The following GSTA5 variants were observed in gnomAD, a reference collection of about 807,000 sequenced individuals.
GSTA5 encodes glutathione S-transferase alpha 5.
In GSTA5, 25 loss-of-function variants were observed where a neutral mutation model predicts 21.8. The ratio of observed to expected loss-of-function variants is 1.14; its 90% confidence interval spans 0.83 to 1.60. The LOEUF is 1.60. GSTA5 is among the 40% of genes most tolerant of loss of function. The pLI, the probability that GSTA5 is intolerant of heterozygous loss-of-function variation, is 0.00. For missense variants in GSTA5, 330 were observed against 259.2 expected, an observed-to-expected ratio of 1.27 and a Z score of -1.88; for synonymous variants, 102 against 89.5, an observed-to-expected ratio of 1.14 and a Z score of -0.78.
chr6:52,842,802 G>A (rs1271221187), upstream of GSTA5, among the ~76,000 whole-genome samples: 1 of 152,162 alleles, frequency 6.6e-6, no homozygotes, highest in Non-Finnish European at 1.5e-5. Context: ...TGCAAAACAT[G>A]CAGGTTTGTT....
At chr6:52,840,669 A>T in intron 1 of GSTA5, 58 bp downstream of exon 1, 1 of 1,454,946 alleles carries the variant, frequency 6.9e-7, no homozygotes, top group Non-Finnish European at 9.6e-7. Context: ...TTCTGTGGGA[A>T]AAGTATGTGA....
chr6:52,841,389 T>C (rs559129851), upstream of GSTA5, among the ~76,000 whole-genome samples: 341 of 152,328 alleles, frequency 2.2e-3, 2 homozygotes, highest in Middle Eastern at 0.024. Flanking sequence ...ATGAACTGGT[T>C]GTGAAACCAG....
At chr6:52,831,822 T>C (rs771824351) in exon 6 of GSTA5, 6 of 1,613,500 alleles carry the variant, frequency 3.7e-6, no homozygotes, top group Non-Finnish European at 3.4e-6. Context: ...TGGTCTGGCA[T>C]GTTCTTGGCC....
Position 52,837,620 on chromosome 6 carries a change from A to C in GSTA5, c.88-11T>G. ...AAATTTCTCTTCCAACTGGAAGCAG[A>C]AACAGTAAATGGGTTCTTCTTAGTT... is the stretch of plus-strand genomic sequence containing the variant. On this transcript the variant is annotated splice_polypyrimidine_tract_variant and intron_variant, in intron 1 of 5. Transcript: ENST00000370989. 6.9e-6 allele frequency: 11 copies of C among 1,598,700 alleles called. No homozygotes were observed. The highest frequency in any genetic ancestry group is 8.6e-6 in the Non-Finnish European group (10 of 1,166,574).
intron 3 of GSTA5, among the ~76,000 whole-genome samples, chr6:52,834,695 C>A (rs1242997795): frequency 6.6e-6 from 1 of 152,126 alleles, no homozygotes; most frequent in African/African-American, 2.4e-5. Flanking sequence ...CAAAGAGCTG[C>A]CCTCTAAGTA....
rs1198129246 is a variant in GSTA5, at chr6:52,834,136, C to A, written c.414+5G>T. ...TTCCCCTAAACATTGAACAGCTTCA[C>A]TTACTTTTTCAAAGGCAGGGAAGTA... On this transcript the variant is annotated splice_donor_5th_base_variant and intron_variant, in intron 4 of 5. Transcript: ENST00000370989. The A allele has an allele frequency of 6.2e-7, 1 of 1,614,136 alleles. No homozygotes were observed. Among genetic ancestry groups the A allele is most frequent in the Non-Finnish European group, 8.5e-7 (1 of 1,180,004 alleles).
chr6:52,844,776 G>C (rs7749576), upstream of GSTA5, among the ~76,000 whole-genome samples: 24,876 of 152,128 alleles, frequency 0.16, 4,097 homozygotes, highest in African/African-American at 0.42. Flanking sequence ...ACTCAGCAAT[G>C]GGTGTTTGCT....
intron 1 of GSTA5, among the ~76,000 whole-genome samples, chr6:52,839,912 G>A (rs1313724824): frequency 1.3e-5 from 2 of 152,222 alleles, no homozygotes; most frequent in African/African-American, 4.8e-5. Context: ...CATCCTCATA[G>A]ACATGTAGGC....
intron 1 of GSTA5, 58 bp from the exon 2 acceptor site, chr6:52,837,667 T>A: frequency 8.3e-7 from 1 of 1,210,348 alleles, no homozygotes; most frequent in Non-Finnish European, 1.2e-6. Flanking sequence ...AGACTTGTGA[T>A]GTTGAATGGC....
chr6:52,838,424 T>A (rs542651940), intron 1 of GSTA5, among the ~76,000 whole-genome samples: 4 of 152,264 alleles, frequency 2.6e-5, no homozygotes, highest in Non-Finnish European at 5.9e-5. Flanking sequence ...CTTAGAAAAG[T>A]AGCAGGTGTA....
intron 1 of GSTA5, 78 bp from the exon 2 acceptor site, chr6:52,837,687 G>T: frequency 1.0e-6 from 1 of 988,010 alleles, no homozygotes; most frequent in Non-Finnish European, 1.6e-6. Flanking sequence ...CCCCTATCTG[G>T]TGCATGATTT....
chr6:52,837,606 C>T, exon 2 of GSTA5: 2 of 1,606,410 alleles, frequency 1.2e-6, no homozygotes, highest in Non-Finnish European at 1.7e-6. Flanking sequence ...AATTTCTCTT[C>T]CAACTGGAAG....
At chr6:52,844,566 C>T (rs1764428308), upstream of GSTA5, among the ~76,000 whole-genome samples, 1 of 152,108 alleles carries the variant, frequency 6.6e-6, no homozygotes. Context: ...CTGAGGTGGT[C>T]CCAATGACAC....
intron 1 of GSTA5, among the ~76,000 whole-genome samples, chr6:52,839,057 G>C (rs1277053424): frequency 6.6e-6 from 1 of 152,170 alleles, no homozygotes; most frequent in African/African-American, 2.4e-5. Context: ...CACAGGACCA[G>C]GATCTAGAGG....
At position 52,840,608 on chromosome 6, in the gene GSTA5, A is replaced by T. The variant is rs537756126; in HGVS notation, c.87+119T>A. 3.3e-5 allele frequency: 30 copies of T among 919,728 alleles called. No individual in the cohort carries two copies. In the African/African-American group the frequency reaches 5.0e-4, roughly 15 times the overall value. 57.0% of individuals were successfully genotyped at this position (919,728 alleles called of 1,614,324 possible). On this transcript the variant is annotated intron_variant, in intron 1 of 5. Transcript: ENST00000370989. Reference sequence around the variant, plus strand: ...ATCTATTCATCTTTTTCTTAATTACAGTCCATTTTTATTTAAGGCACAATG... The same window carrying T: ...ATCTATTCATCTTTTTCTTAATTACTGTCCATTTTTATTTAAGGCACAATG...
chr6:52,834,315 C>T (rs375802042), intron 3 of GSTA5, 33 bp from the exon 4 acceptor site: 8 of 1,586,612 alleles, frequency 5.0e-6, no homozygotes, highest in Middle Eastern at 1.7e-4. Context: ...CCATCAAATG[C>T]CTTTTGCCTT....
chr6:52,837,664 T>A (rs577299291), intron 1 of GSTA5, 55 bp from the exon 2 acceptor site: 2 of 1,211,366 alleles, frequency 1.7e-6, no homozygotes, highest in African/African-American at 1.5e-5. Context: ...TATAGACTTG[T>A]GATGTTGAAT....
At chr6:52,833,310 G>A (rs1764244204) in intron 4 of GSTA5, among the ~76,000 whole-genome samples, 2 of 152,254 alleles carry the variant, frequency 1.3e-5, no homozygotes, top group South Asian at 4.1e-4. Context: ...TCTGCCCCAG[G>A]CCCTACAGCG....
chr6:52,834,562 T>C (rs1764267284), intron 3 of GSTA5, among the ~76,000 whole-genome samples: 2 of 152,158 alleles, frequency 1.3e-5, no homozygotes, highest in Admixed American at 6.5e-5. Context: ...AAAAAGAGCA[T>C]CGGTGGTCAC....
Sources: gnomAD v4.1 joint callset for allele counts (sites outside exome capture counted in the v4.1 genomes callset) on GRCh38, gnomAD v4.1.1 for gene constraint, MANE v1.5 for transcripts, NCBI Gene and HGNC (gene_info 2026-07-23, HGNC 2026-07-21) for gene names.